The following VPS53 variants were observed in gnomAD, a reference collection of about 807,000 sequenced individuals.
VPS53 encodes the protein VPS53 subunit of GARP complex.
VPS53 carries 70 observed loss-of-function variants against 107.0 expected under a neutral mutation model. The ratio of observed to expected loss-of-function variants is 0.65; its 90% CI spans 0.54 to 0.80. The LOEUF is 0.80. Ranked by LOEUF, VPS53 falls within the 30% of genes least tolerant of loss-of-function variation. The pLI, the probability that VPS53 is intolerant of heterozygous loss-of-function variation, is 0.00. For synonymous variants in VPS53, 409 were observed against 393.3 expected, an observed-to-expected ratio of 1.04 and a Z score of -0.47; for missense variants, 917 against 1,049.4, an observed-to-expected ratio of 0.87 and a Z score of 1.74.
intron 4 of VPS53, among the ~76,000 whole-genome samples, chr17:664,313 C>T (rs913646574): frequency 1.1e-4 from 16 of 152,170 alleles, no homozygotes; most frequent in Middle Eastern, 3.4e-3. Context: ...CTCCTGACCT[C>T]GTGATCTGCC....
chr17:630,761 T>C (rs1567690815), intron 8 of VPS53, among the ~76,000 whole-genome samples: 1 of 152,238 alleles, frequency 6.6e-6, no homozygotes, highest in African/African-American at 2.4e-5. Flanking sequence ...TAAATGAATG[T>C]ATGTCCCCAT....
rs8079071 is a variant in VPS53, at chr17:707,724, C to T, written c.168+2809G>A. On this transcript the variant is annotated intron_variant, in intron 2 of 21. Transcript: ENST00000437048. ...AAACTTAGCTGTGTGTGGTGGCATGCGCCTGTAGTCGCAGCTACTCAGAAG... is the reference window on the plus strand; with the variant it reads ...AAACTTAGCTGTGTGTGGTGGCATGTGCCTGTAGTCGCAGCTACTCAGAAG... 1.1e-3 allele frequency among the ~76,000 whole-genome samples: 160 copies of T among 151,556 alleles called. 1 individual carries two copies. The highest frequency in any genetic ancestry group is 3.4e-3 in the African/African-American group (140 of 41,318).
chr17:680,614 A>G (rs2143785076), intron 4 of VPS53, among the ~76,000 whole-genome samples: 1 of 152,358 alleles, frequency 6.6e-6, no homozygotes, highest in African/African-American at 2.4e-5. Context: ...GTGCTTAGTG[A>G]CCAAGATTGT....
Position 537,099 on chromosome 17 carries a change from G to T in VPS53, c.1944C>A (p.Asn648Lys). 1 of 1,614,196 alleles carries T rather than the reference G, an allele frequency of 6.2e-7. No individual in the cohort carries two copies. The highest frequency in any genetic ancestry group is 8.5e-7 in the Non-Finnish European group (1 of 1,180,050). Residue 648 changes from asparagine (N) to lysine (K), a missense_variant, in exon 18 of 22, where the codon AAC (asparagine) becomes AAA (lysine). Transcript: ENST00000437048. ...CCAGGTTGTCACGGATGATGGGGAC[G>T]TTCTGCTTGATGTGCAGAATGACAG... is the stretch of plus-strand genomic sequence containing the variant. ...VTSVILHIKQ[N>K]VPIIRDNLAS...
chr17:596,046 C>T (rs76817043), intron 12 of VPS53, among the ~76,000 whole-genome samples: 1 of 151,942 alleles, frequency 6.6e-6, no homozygotes, highest in Non-Finnish European at 1.5e-5. Context: ...TGTTAGCTGT[C>T]CCCTGGAGGA....
chr17:558,607 C>T (rs992627009), intron 15 of VPS53, among the ~76,000 whole-genome samples: 2 of 152,044 alleles, frequency 1.3e-5, no homozygotes, highest in Non-Finnish European at 2.9e-5. Flanking sequence ...GCACTCCAGC[C>T]TGGGTGACAG....
At chr17:549,477 G>A (rs544195022) in intron 17 of VPS53, among the ~76,000 whole-genome samples, 1 of 152,100 alleles carries the variant, frequency 6.6e-6, no homozygotes, top group Non-Finnish European at 1.5e-5. Context: ...CGGGGCAGAA[G>A]TGGAGGGTGG....
chr17:600,391 G>A (rs1968274641), intron 12 of VPS53, among the ~76,000 whole-genome samples: 1 of 152,242 alleles, frequency 6.6e-6, no homozygotes, highest in South Asian at 2.1e-4. Flanking sequence ...GGACATGCCA[G>A]AAGCATGGGC....
chr17:664,310 C>A (rs986966055), intron 4 of VPS53, among the ~76,000 whole-genome samples: 1 of 152,156 alleles, frequency 6.6e-6, no homozygotes, highest in African/African-American at 2.4e-5. Context: ...GATCTCCTGA[C>A]CTCGTGATCT....
At chr17:523,597 T>A (rs1281545317) in intron 19 of VPS53, among the ~76,000 whole-genome samples, 2 of 152,174 alleles carry the variant, frequency 1.3e-5, no homozygotes, top group African/African-American at 4.8e-5. Flanking sequence ...GGTAGAAACA[T>A]GGGGAAGACG....
At chr17:699,072 C>T (rs1038862636) in intron 3 of VPS53, among the ~76,000 whole-genome samples, 1 of 152,062 alleles carries the variant, frequency 6.6e-6, no homozygotes, top group Non-Finnish European at 1.5e-5. Flanking sequence ...GAGGCTAAGG[C>T]AGGAGAATCA....
intron 12 of VPS53, among the ~76,000 whole-genome samples, chr17:593,165 G>A (rs62056464): frequency 1.6e-4 from 24 of 152,024 alleles, no homozygotes; most frequent in South Asian, 4.2e-4. Context: ...AATTCAAGAT[G>A]GATTAAAGAC....
chr17:647,187 A>T (rs1344078051), intron 7 of VPS53, among the ~76,000 whole-genome samples: 1 of 152,110 alleles, frequency 6.6e-6, no homozygotes, highest in Non-Finnish European at 1.5e-5. Context: ...ATTCAGATTA[A>T]AACAGAATTT....
chr17:671,487 C>T (rs1283089630), intron 4 of VPS53, among the ~76,000 whole-genome samples: 1 of 152,130 alleles, frequency 6.6e-6, no homozygotes, highest in African/African-American at 2.4e-5. Flanking sequence ...TGATTTCTGT[C>T]AAGCCTCTTA....
intron 12 of VPS53, among the ~76,000 whole-genome samples, chr17:594,173 G>C (rs189633909): frequency 2.2e-3 from 334 of 148,994 alleles, no homozygotes; most frequent in African/African-American, 8.1e-3. Flanking sequence ...GTGGGAGGAG[G>C]GGGGAGGGAT....
chr17:696,451 G>A (rs758528635), intron 4 of VPS53, among the ~76,000 whole-genome samples: 3 of 152,198 alleles, frequency 2.0e-5, no homozygotes, highest in Non-Finnish European at 4.4e-5. Context: ...TCAAAGAGGA[G>A]AAATCACAGC....
chr17:678,344 C>T (rs111920045), intron 4 of VPS53, among the ~76,000 whole-genome samples: 1 of 152,020 alleles, frequency 6.6e-6, no homozygotes, highest in Non-Finnish European at 1.5e-5. Flanking sequence ...ATCGCTTGAA[C>T]CCGGGAGGTG....
At chr17:654,805 C>A (rs1971117959) in intron 6 of VPS53, among the ~76,000 whole-genome samples, 1 of 151,840 alleles carries the variant, frequency 6.6e-6, no homozygotes, top group South Asian at 2.1e-4. Context: ...TCCGTTGCTA[C>A]CACCACCTGG....
intron 12 of VPS53, among the ~76,000 whole-genome samples, chr17:589,548 C>T (rs1967523967): frequency 6.6e-6 from 1 of 151,978 alleles, no homozygotes; most frequent in Admixed American, 6.6e-5. Context: ...TTAACAATTG[C>T]TGAATCCAGA....
Sources: gnomAD v4.1 joint callset for allele counts (sites outside exome capture counted in the v4.1 genomes callset) on GRCh38, gnomAD v4.1.1 for gene constraint, MANE v1.5 for transcripts, NCBI Gene and HGNC (gene_info 2026-07-23, HGNC 2026-07-21) for gene names.